KCNQ1: variants seen among roughly 807,000 people sequenced by gnomAD.
KCNQ1 encodes the protein potassium voltage-gated channel subfamily KQT member 1.
In KCNQ1, 49 loss-of-function variants were observed where a neutral mutation model predicts 72.4. The observed-to-expected ratio is 0.68, with a 90% CI of 0.54 to 0.86. KCNQ1 has a LOEUF of 0.86. KCNQ1 is among the 40% of genes least tolerant of loss of function. KCNQ1 has a pLI of 0.00. For missense variants in KCNQ1, 790 were observed against 945.1 expected (o/e 0.84, Z 2.15); for synonymous variants, 450 against 412.6 (o/e 1.09, Z -1.10).
Position 2,588,781 on chromosome 11 carries a change from C to A in KCNQ1, c.1320C>A (p.Val440=), listed in dbSNP as rs781151116. 17 of 1,613,334 alleles carry A rather than the reference C, an allele frequency of 1.1e-5. No individual in the cohort carries two copies. Among genetic ancestry groups the A allele is most frequent in the Middle Eastern group, 1.7e-4 (1 of 5,982 alleles). ...CTCCTGGAGAGAAGATGCTCACAGT[C>A]CCCCATATCACGTGCGACCCCCCAG... ...GVTPGEKMLT[V]PHITCDPPEE... is the part of the protein sequence containing the mutation. Residue 440 remains valine, a synonymous_variant, in exon 10 of 16, where the codon GTC becomes GTA. Transcript: ENST00000155840. This position sits in a 1 kb window ranked among gnomAD's most constrained non-coding sequence, Gnocchi z 5.6.
chr11:2,531,144 C>G (rs558164161), intron 2 of KCNQ1, among the ~76,000 whole-genome samples: 6 of 152,184 alleles, frequency 3.9e-5, no homozygotes, highest in Admixed American at 6.5e-5. Flanking sequence ...AGCCTGCACC[C>G]AGGCTGGACC....
intron 10 of KCNQ1, chr11:2,632,400 G>T (rs1198167116): frequency 5.0e-6 from 2 of 398,302 alleles, no homozygotes; most frequent in Non-Finnish European, 4.4e-6. Context: ...CCACTACTAT[G>T]TTTAATATAA....
chr11:2,573,378 C>T (rs888931681), intron 6 of KCNQ1, among the ~76,000 whole-genome samples: 4 of 152,146 alleles, frequency 2.6e-5, no homozygotes, highest in African/African-American at 9.7e-5. Context: ...AGGAGAGCGG[C>T]GTCAGATGCA....
At chr11:2,589,185 C>G (rs10766203) in intron 10 of KCNQ1, among the ~76,000 whole-genome samples, 116,418 of 152,166 alleles carry the variant, frequency 0.77, 44,949 homozygotes, top group East Asian at 0.94. Flanking sequence ...CCCACGGGCT[C>G]TGGTTGGAAA....
chr11:2,676,966 A>T lies in KCNQ1; in HGVS notation c.1514+14885A>T, dbSNP rs1018138750. The stretch of plus-strand genomic sequence containing the variant: ...GGATCTGTATTAAGACATCTAGCAA[A>T]TCTCCTTTTCATTAACAGCTGCAGA... On this transcript the variant is annotated intron_variant, in intron 11 of 15. Transcript: ENST00000155840. This position sits in a 1 kb window ranked among gnomAD's most constrained non-coding sequence, Gnocchi z 4.2. 2.5e-6 allele frequency: 1 copy of T among 398,526 alleles called. No individual in the cohort carries two copies. The highest frequency in any genetic ancestry group is 4.4e-5 in the Admixed American group (1 of 22,714). The allele number at this position is 398,526 out of a possible 1,614,324, so 24.7% of individuals were successfully genotyped here.
intron 11 of KCNQ1, chr11:2,684,253 T>C (rs1850447821): frequency 7.5e-6 from 3 of 398,570 alleles, no homozygotes; most frequent in East Asian, 3.6e-5. Flanking sequence ...CCTTCTGGGA[T>C]TGGATTAACA....
rs1316213178 is a variant in KCNQ1, at chr11:2,611,064, TGTG to T, written c.1393+22211_1393+22213del. ...AGTTTTATTTCATATACTTCAGGGC[TGTG>T]TTTTTAGCTGTTATAAATTTTTATT... On this transcript the variant is annotated intron_variant, in intron 10 of 15. Transcript: ENST00000155840. This position sits in a 1 kb window ranked among gnomAD's most constrained non-coding sequence, Gnocchi z 5.3. 3.0e-5 allele frequency: 12 copies of T among 398,552 alleles called. No homozygotes were observed. Among genetic ancestry groups the T allele is most frequent in the East Asian group, 7.1e-5 (2 of 28,048 alleles). The allele number at this position is 398,552 out of a possible 1,614,324, so 24.7% of individuals were successfully genotyped here.
rs963772259 is a variant in KCNQ1, at chr11:2,803,898, G to GGCC, written c.1794+25865_1794+25867dup. 6.6e-6 allele frequency among the ~76,000 whole-genome samples: 1 copy of GGCC among 152,068 alleles called. No homozygotes were observed. The highest frequency in any genetic ancestry group is 1.5e-5 in the Non-Finnish European group (1 of 68,022). ...ACACCCCACACCAGCCATTGGATGGGGCCGCCTCTGCCACCTGCTCCAGCC... is the reference window on the plus strand; with the variant it reads ...ACACCCCACACCAGCCATTGGATGGGGCCGCCGCCTCTGCCACCTGCTCCAGCC... On this transcript the variant is annotated intron_variant, in intron 15 of 15. Transcript: ENST00000155840. This position sits in a 1 kb window ranked among gnomAD's most constrained non-coding sequence, Gnocchi z 6.4.
Position 2,547,374 on chromosome 11 carries a change from G to A in KCNQ1, c.477+19356G>A, listed in dbSNP as rs1292974125. 2.6e-5 allele frequency among the ~76,000 whole-genome samples: 4 copies of A among 152,098 alleles called. No homozygotes were observed. The highest frequency in any genetic ancestry group is 2.0e-4 in the Admixed American group (3 of 15,268). ...GCCTCCCAAGTAGCTGGGATTATAG[G>A]TGGGCGCCACCACACCTGGCTAATT... On this transcript the variant is annotated intron_variant, in intron 2 of 15. Transcript: ENST00000155840. The surrounding 1 kb of genome is among the most constrained non-coding windows in gnomAD (Gnocchi z 4.2).
intron 1 of KCNQ1, among the ~76,000 whole-genome samples, chr11:2,466,919 G>A (rs1311272779): frequency 6.6e-6 from 1 of 152,254 alleles, no homozygotes. Flanking sequence ...CCTGCTCTGA[G>A]GGCCAGCCCT....
chr11:2,641,426 G>T (rs931052069), intron 10 of KCNQ1: 9 of 397,412 alleles, frequency 2.3e-5, no homozygotes, highest in Non-Finnish European at 4.0e-5. Context: ...TTGGCTACTT[G>T]TATGTTTTCT....
At chr11:2,553,078 A>G (rs1848007122) in intron 2 of KCNQ1, among the ~76,000 whole-genome samples, 2 of 151,712 alleles carry the variant, frequency 1.3e-5, no homozygotes, top group South Asian at 4.1e-4. Flanking sequence ...TTGTTCGTAT[A>G]TTAACCTTGC....
Position 2,769,032 on chromosome 11 carries a change from C to A in KCNQ1, c.1590+113C>A. 1.1e-6 allele frequency: 1 copy of A among 897,116 alleles called. No individual in the cohort carries two copies. The highest frequency in any genetic ancestry group is 1.8e-6 in the Non-Finnish European group (1 of 549,414). 55.6% of individuals were successfully genotyped at this position (897,116 alleles called of 1,614,324 possible). On this transcript the variant is annotated intron_variant, in intron 12 of 15. Coordinates refer to ENST00000155840, the MANE Select transcript of KCNQ1 (RefSeq NM_000218.3). The surrounding 1 kb of genome is among the most constrained non-coding windows in gnomAD (Gnocchi z 4.6). ...CCATAGTGGAGGGTGTCAAGGCCTC[C>A]GCCCCCAAGCCACACAGGCAGGCCT...
Position 2,815,159 on chromosome 11 carries a change from G to A in KCNQ1, c.1795-32608G>A, listed in dbSNP as rs1732514532. 6.6e-6 allele frequency among the ~76,000 whole-genome samples: 1 copy of A among 152,222 alleles called. No individual in the cohort carries two copies. Among genetic ancestry groups the A allele is most frequent in the Non-Finnish European group, 1.5e-5 (1 of 68,032 alleles). ...CAATCCCTCCCCAAATTACCCCCAT[G>A]CTCAGGGTGTCACTGAGGGTCCCAA... On this transcript the variant is annotated intron_variant, in intron 15 of 15. Coordinates refer to ENST00000155840, the MANE Select transcript of KCNQ1 (RefSeq NM_000218.3). The surrounding 1 kb of genome is among the most constrained non-coding windows in gnomAD (Gnocchi z 5.4).
Position 2,611,482 on chromosome 11 carries a change from G to T in KCNQ1, c.1393+22628G>T. 1 of 398,120 alleles carries T rather than the reference G, an allele frequency of 2.5e-6. No individual in the cohort carries two copies. Among genetic ancestry groups the T allele is most frequent in the South Asian group, 1.4e-4 (1 of 7,390 alleles). 24.7% of individuals were successfully genotyped at this position (398,120 alleles called of 1,614,324 possible). ...CTGCCTCAGCCTCCCAAAATGCTGG[G>T]ATTACAGGTGTGAGCCACTGCACCC... On this transcript the variant is annotated intron_variant, in intron 10 of 15. Transcript: ENST00000155840. The surrounding 1 kb of genome is among the most constrained non-coding windows in gnomAD (Gnocchi z 5.3).
At position 2,824,574 on chromosome 11, in the gene KCNQ1, C is replaced by T. The variant is rs1205640026; in HGVS notation, c.1795-23193C>T. On this transcript the variant is annotated intron_variant, in intron 15 of 15. Transcript: ENST00000155840. The surrounding 1 kb of genome is among the most constrained non-coding windows in gnomAD (Gnocchi z 5.9). Reference sequence around the variant, plus strand: ...TTGGAGCTGAAAACAGAGGCTGCAACATGGAGGTGGTACCTGAAGAAGGGG... The same window carrying T: ...TTGGAGCTGAAAACAGAGGCTGCAATATGGAGGTGGTACCTGAAGAAGGGG... Among the ~76,000 whole-genome samples the T allele has an allele frequency of 6.6e-6, 1 of 152,104 alleles. No individual in the cohort carries two copies. The highest frequency in any genetic ancestry group is 1.5e-5 in the Non-Finnish European group (1 of 68,016).
intron 6 of KCNQ1, among the ~76,000 whole-genome samples, chr11:2,573,424 G>C (rs1434155619): frequency 6.6e-6 from 1 of 152,168 alleles, no homozygotes; most frequent in Admixed American, 6.5e-5. Context: ...CACAGGCCCT[G>C]TAAGTGCCCC....
At position 2,682,725 on chromosome 11, in the gene KCNQ1, T is replaced by G. The variant is rs1486615944; in HGVS notation, c.1514+20644T>G. 1 of 398,404 alleles carries G rather than the reference T, an allele frequency of 2.5e-6. No individual in the cohort carries two copies. The highest frequency in any genetic ancestry group is 2.1e-5 in the African/African-American group (1 of 48,576). The allele number at this position is 398,404 out of a possible 1,614,324, so 24.7% of individuals were successfully genotyped here. A position where few individuals can be genotyped will look rare whatever the true frequency, so the allele number is the denominator to read the frequency against. On this transcript the variant is annotated intron_variant, in intron 11 of 15. Coordinates refer to ENST00000155840, the MANE Select transcript of KCNQ1 (RefSeq NM_000218.3). This position sits in a 1 kb window ranked among gnomAD's most constrained non-coding sequence, Gnocchi z 5.8. ...CCAGAATATCTCTAGTCATAAAGAA[T>G]CTCTTCCCCTTGAGCCCACTCATCT...
intron 10 of KCNQ1, chr11:2,634,138 T>C: frequency 2.5e-6 from 1 of 397,648 alleles, no homozygotes; most frequent in Non-Finnish European, 4.4e-6. Context: ...CTTTGGTATT[T>C]TTTTTTTTTT....
Sources: gnomAD v4.1 joint callset for allele counts (sites outside exome capture counted in the v4.1 genomes callset) on GRCh38, gnomAD v4.1.1 for gene constraint, Gnocchi (gnomAD v3.1) non-coding constraint, MANE v1.5 for transcripts, NCBI Gene and HGNC (gene_info 2026-07-23, HGNC 2026-07-21) for gene names.